EYS: variants seen among roughly 807,000 people sequenced by gnomAD.
EYS encodes the protein EGF-like photoreceptor maintenance factor.
EYS carries 250 observed loss-of-function variants against 282.1 expected under a neutral mutation model. That is an observed-to-expected ratio of 0.89 (90% confidence interval 0.80 to 0.98). The LOEUF (loss-of-function observed/expected upper bound fraction) is 0.98. Ranked by LOEUF, EYS falls within the 50% of genes least tolerant of loss-of-function variation. EYS has a pLI of 0.00. For synonymous variants in EYS, 1,355 were observed against 1,282.9 expected (o/e 1.06, Z -1.20); for missense variants, 4,016 against 3,709.0 (o/e 1.08, Z -2.15).
At chr6:64,588,761 G>A (rs977045549) in intron 26 of EYS, among the ~76,000 whole-genome samples, 2 of 151,994 alleles carry the variant, frequency 1.3e-5, no homozygotes, top group East Asian at 3.9e-4. Flanking sequence ...ATGTGACTCT[G>A]ATCAACACAG....
chr6:64,250,816 A>C (rs531362584), intron 30 of EYS, among the ~76,000 whole-genome samples: 1 of 152,340 alleles, frequency 6.6e-6, no homozygotes, highest in African/African-American at 2.4e-5. Flanking sequence ...GTTCTAAGGA[A>C]AGAACCAAAT....
intron 31 of EYS, among the ~76,000 whole-genome samples, chr6:64,095,098 A>T (rs1385372593): frequency 1.3e-5 from 2 of 152,028 alleles, no homozygotes; most frequent in Non-Finnish European, 2.9e-5. Flanking sequence ...TTCTAGTTTG[A>T]TTGCACTGTG....
At chr6:64,425,144 T>C (rs969024039) in intron 28 of EYS, among the ~76,000 whole-genome samples, 5 of 151,998 alleles carry the variant, frequency 3.3e-5, no homozygotes, top group Non-Finnish European at 4.4e-5. Context: ...AGGTATTGGG[T>C]GAGGTCGAGG....
chr6:65,619,575 A>G (rs1299223567), intron 2 of EYS, among the ~76,000 whole-genome samples: 1 of 152,102 alleles, frequency 6.6e-6, no homozygotes, highest in African/African-American at 2.4e-5. Flanking sequence ...CCCTGGCCAG[A>G]ACTTCCAACA....
At chr6:63,973,338 G>A (rs904571549) in intron 35 of EYS, among the ~76,000 whole-genome samples, 9 of 151,918 alleles carry the variant, frequency 5.9e-5, no homozygotes, top group African/African-American at 2.2e-4. Flanking sequence ...ATGTTTGTTG[G>A]TCACATAAAT....
chr6:65,108,742 G>C (rs192167814), intron 12 of EYS, among the ~76,000 whole-genome samples: 94 of 152,172 alleles, frequency 6.2e-4, no homozygotes, highest in African/African-American at 2.2e-3. Flanking sequence ...CATTAAATTT[G>C]GGAAAGTCCA....
intron 22 of EYS, among the ~76,000 whole-genome samples, chr6:64,774,150 A>C (rs954990294): frequency 1.3e-5 from 2 of 151,906 alleles, no homozygotes; most frequent in African/African-American, 4.8e-5. Flanking sequence ...AAATACACAA[A>C]AACTCTAGAT....
At chr6:64,783,125 A>G (rs1314076599) in intron 22 of EYS, among the ~76,000 whole-genome samples, 2 of 152,068 alleles carry the variant, frequency 1.3e-5, no homozygotes, top group Non-Finnish European at 2.9e-5. Context: ...CATAGCAGCC[A>G]TCTTGGTCAT....
At chr6:63,802,209 A>G (rs1047665162) in intron 37 of EYS, among the ~76,000 whole-genome samples, 12 of 152,200 alleles carry the variant, frequency 7.9e-5, no homozygotes, top group African/African-American at 2.9e-4. Flanking sequence ...TATTATGGCC[A>G]ATAATTACAT....
chr6:64,748,981 C>T (rs1313896831), intron 22 of EYS, among the ~76,000 whole-genome samples: 1 of 152,162 alleles, frequency 6.6e-6, no homozygotes, highest in African/African-American at 2.4e-5. Flanking sequence ...CCATGTTGGC[C>T]AGGCTGGTCT....
At chr6:65,163,724 T>C (rs1764904971) in intron 12 of EYS, among the ~76,000 whole-genome samples, 1 of 151,304 alleles carries the variant, frequency 6.6e-6, no homozygotes. Flanking sequence ...TTTTAACTAT[T>C]GAAGAAAAAT....
At chr6:65,211,544 G>T (rs1582022117) in intron 12 of EYS, among the ~76,000 whole-genome samples, 1 of 152,020 alleles carries the variant, frequency 6.6e-6, no homozygotes, top group East Asian at 1.9e-4. Flanking sequence ...CTAACTCTGA[G>T]GTATAAGATA....
At chr6:64,075,999 T>C (rs1243126870) in intron 32 of EYS, among the ~76,000 whole-genome samples, 1 of 151,956 alleles carries the variant, frequency 6.6e-6, no homozygotes, top group Non-Finnish European at 1.5e-5. Context: ...TTACATATTG[T>C]CCATGGCTGC....
intron 30 of EYS, among the ~76,000 whole-genome samples, chr6:64,254,175 C>T (rs867608892): frequency 5.3e-5 from 8 of 152,002 alleles, no homozygotes; most frequent in Admixed American, 3.3e-4. Context: ...CCCATGTCTT[C>T]CCCATATTTT....
At chr6:65,681,877 TA>T (rs1768835806) in intron 1 of EYS, among the ~76,000 whole-genome samples, 1 of 151,950 alleles carries the variant, frequency 6.6e-6, no homozygotes, top group Non-Finnish European at 1.5e-5. Context: ...TCTAAAAATC[TA>T]ATCATTAAGA....
intron 30 of EYS, among the ~76,000 whole-genome samples, chr6:64,234,260 T>TA (rs1314713053): frequency 6.6e-6 from 1 of 150,962 alleles, no homozygotes; most frequent in East Asian, 1.9e-4. Context: ...AAAACTCACT[T>TA]TTTTTTTTAC....
chr6:64,626,280 A>G, intron 22 of EYS, 35 bp from the exon 23 acceptor site: 1 of 1,514,112 alleles, frequency 6.6e-7, no homozygotes, highest in Non-Finnish European at 8.8e-7. Context: ...ATTTGTATAT[A>G]TTATACACAT....
At chr6:64,686,826 TATATATATATAC>T (rs1212057935) in intron 22 of EYS, among the ~76,000 whole-genome samples, 15 of 25,964 alleles carry the variant, frequency 5.8e-4, no homozygotes, top group African/African-American at 1.5e-3. Context: ...TATATGTGTA[TATATATATATAC>T]GTGTATATAT....
intron 29 of EYS, among the ~76,000 whole-genome samples, chr6:64,356,288 A>G (rs908546348): frequency 4.0e-5 from 6 of 151,510 alleles, no homozygotes; most frequent in African/African-American, 1.5e-4. Flanking sequence ...TGCTAAGAAC[A>G]TACACTAGGA....
Sources: allele counts gnomAD v4.1 joint callset (sites outside exome capture counted in the v4.1 genomes callset), GRCh38; gene constraint gnomAD v4.1.1; transcripts MANE v1.5; gene names NCBI Gene and HGNC (gene_info 2026-07-23, HGNC 2026-07-21).